PPIG: variants seen among roughly 807,000 people sequenced by gnomAD.
PPIG encodes peptidyl-prolyl cis-trans isomerase G.
Under a neutral mutation model 87.9 loss-of-function variants are expected in PPIG, and 26 were observed. The observed-to-expected ratio is 0.30, with a 90% CI of 0.22 to 0.41. The LOEUF is 0.41. Among genes scored for constraint, PPIG ranks in the 10% least tolerant of loss-of-function variants. The pLI is 1.00. For synonymous variants in PPIG, 308 were observed against 276.5 expected, an observed-to-expected ratio of 1.11 and a Z score of -1.13; for missense variants, 722 against 879.4, an observed-to-expected ratio of 0.82 and a Z score of 2.26.
chr2:169,640,581 T>G lies in PPIG; in HGVS notation c.*3058T>G, dbSNP rs1251537321. On this transcript the variant is annotated 3_prime_UTR_variant, in exon 14 of 14. Coordinates refer to ENST00000260970, the MANE Select transcript of PPIG (RefSeq NM_004792.3). Reference sequence around the variant, plus strand: ...CTTTAAATACCTACCATAGCTGATTTGTTATAAAGAAACAAAATGGGTGTT... The same window carrying G: ...CTTTAAATACCTACCATAGCTGATTGGTTATAAAGAAACAAAATGGGTGTT... The G allele has an allele frequency of 1.3e-5, 2 of 152,210 alleles. No homozygotes were observed. Among genetic ancestry groups the G allele is most frequent in the Non-Finnish European group, 2.9e-5 (2 of 68,026 alleles). 9.4% of individuals were successfully genotyped at this position (152,210 alleles called of 1,614,324 possible). A position where few individuals can be genotyped will look rare whatever the true frequency, so the allele number is the denominator to read the frequency against.
intron 7 of PPIG, among the ~76,000 whole-genome samples, chr2:169,609,411 G>A (rs985978393): frequency 2.0e-5 from 3 of 149,496 alleles, no homozygotes; most frequent in African/African-American, 4.9e-5. Flanking sequence ...GGGTCTCCCT[G>A]TGTTGCCCAG....
intron 1 of PPIG, among the ~76,000 whole-genome samples, chr2:169,596,770 G>C (rs907708873): frequency 5.9e-5 from 9 of 152,106 alleles, no homozygotes; most frequent in Non-Finnish European, 1.3e-4. Flanking sequence ...CGCAATCTCA[G>C]CTCACTGCAA....
At chr2:169,633,516 C>T (rs1035689099) in intron 12 of PPIG, 19 of 523,344 alleles carry the variant, frequency 3.6e-5, no homozygotes, top group African/African-American at 3.2e-4. Flanking sequence ...TTGGCAATCA[C>T]TGTATCTCTA....
chr2:169,592,846 C>T (rs1187418115), intron 1 of PPIG, among the ~76,000 whole-genome samples: 1 of 152,168 alleles, frequency 6.6e-6, no homozygotes, highest in Non-Finnish European at 1.5e-5. Context: ...AGTAGCATTT[C>T]AGTAATGTTA....
chr2:169,627,462 A>G (rs1297525143), intron 9 of PPIG, among the ~76,000 whole-genome samples: 1 of 152,218 alleles, frequency 6.6e-6, no homozygotes, highest in African/African-American at 2.4e-5. Context: ...TGTAAATTAA[A>G]TAATTGTTTA....
chr2:169,603,392 C>T (rs191613998), intron 1 of PPIG, among the ~76,000 whole-genome samples: 1 of 152,126 alleles, frequency 6.6e-6, no homozygotes, highest in Admixed American at 6.5e-5. Context: ...TGTGTCTATA[C>T]CAGCATATCA....
intron 1 of PPIG, among the ~76,000 whole-genome samples, chr2:169,590,689 C>A (rs1559173267): frequency 6.6e-6 from 1 of 152,184 alleles, no homozygotes; most frequent in East Asian, 1.9e-4. Context: ...GCGTGAAGTT[C>A]CCAGAGAGTG....
intron 1 of PPIG, among the ~76,000 whole-genome samples, chr2:169,590,383 G>C (rs933107627): frequency 6.6e-6 from 1 of 152,138 alleles, no homozygotes; most frequent in African/African-American, 2.4e-5. Context: ...GCTCAAGCCT[G>C]TAACGCCAGC....
chr2:169,636,170 A>T lies in PPIG; in HGVS notation c.1096A>T (p.Met366Leu). 6.2e-7 allele frequency: 1 copy of T among 1,613,138 alleles called. No homozygotes were observed. Among genetic ancestry groups the T allele is most frequent in the Non-Finnish European group, 8.5e-7 (1 of 1,179,690 alleles). Residue 366 changes from methionine (M) to leucine (L), a missense_variant, in exon 13 of 14, where the codon ATG (methionine) becomes TTG (leucine). Coordinates refer to ENST00000260970, the MANE Select transcript of PPIG (RefSeq NM_004792.3). Reference protein sequence around the residue: ...SETPPHWRQEMQRAQRMRVSS... With the variant: ...SETPPHWRQELQRAQRMRVSS... The stretch of plus-strand genomic sequence containing the variant: ...GACTCCTCCACATTGGAGGCAAGAG[A>T]TGCAGAGAGCTCAAAGAATGAGGGT...
At chr2:169,621,518 G>C (rs1385533833) in intron 9 of PPIG, among the ~76,000 whole-genome samples, 1 of 151,850 alleles carries the variant, frequency 6.6e-6, no homozygotes, top group Non-Finnish European at 1.5e-5. Context: ...AAGATGTTGA[G>C]AATCTTTGAG....
Position 169,636,563 on chromosome 2 carries a change from G to C in PPIG, c.1305G>C (p.Glu435Asp). ...AAGACCATAAATCTAACAGCAAAGA[G>C]AGAGACATCAGAAGAAATTCAGAAA... is the stretch of plus-strand genomic sequence containing the variant. Reference protein sequence around the residue: ...KVKDHKSNSKERDIRRNSEKD... With the variant: ...KVKDHKSNSKDRDIRRNSEKD... The change falls in exon 14 of 14, where the codon GAG becomes GAC. Residue 435 changes from glutamate (E) to aspartate (D), a missense_variant. By Grantham distance (45) the Glu-to-Asp change is conservative. Coordinates refer to ENST00000260970, the MANE Select transcript of PPIG (RefSeq NM_004792.3). 6.2e-7 allele frequency: 1 copy of C among 1,603,820 alleles called. No individual in the cohort carries two copies. The highest frequency in any genetic ancestry group is 8.5e-7 in the Non-Finnish European group (1 of 1,177,500).
At chr2:169,586,876 C>G (rs1009971819) in intron 1 of PPIG, among the ~76,000 whole-genome samples, 1 of 152,018 alleles carries the variant, frequency 6.6e-6, no homozygotes, top group African/African-American at 2.4e-5. Flanking sequence ...ATGCAAGTGA[C>G]CTGAAGAGTT....
Position 169,607,089 on chromosome 2 carries a change from GTT to G in PPIG, c.245-11_245-10del, listed in dbSNP as rs755531259. ...AGCTTACTGAGAGTTATAAGAGTAT[GTT>G]TTTCATTTTTAGGAAATGGACGAGG... On this transcript the variant is annotated splice_polypyrimidine_tract_variant and intron_variant, in intron 5 of 13. Coordinates refer to ENST00000260970, the MANE Select transcript of PPIG (RefSeq NM_004792.3). The G allele has an allele frequency of 6.5e-7, 1 of 1,544,224 alleles. No homozygotes were observed. Among genetic ancestry groups the G allele is most frequent in the South Asian group, 1.1e-5 (1 of 86,976 alleles).
intron 1 of PPIG, among the ~76,000 whole-genome samples, chr2:169,599,505 C>T (rs1319448837): frequency 1.3e-5 from 2 of 151,908 alleles, no homozygotes; most frequent in Non-Finnish European, 2.9e-5. Context: ...AAATGGTTGC[C>T]TTTACAGATA....
At chr2:169,623,942 C>T (rs1685818450) in intron 9 of PPIG, among the ~76,000 whole-genome samples, 1 of 152,076 alleles carries the variant, frequency 6.6e-6, no homozygotes, top group Non-Finnish European at 1.5e-5. Context: ...TAGGTTTTTA[C>T]AAATAAAATA....
At chr2:169,614,409 A>AACTTTGTTTTCCTCTG (rs1277993379) in intron 7 of PPIG, 55 bp from the exon 8 acceptor site, 6 of 1,431,460 alleles carry the variant, frequency 4.2e-6, no homozygotes, top group Non-Finnish European at 5.8e-6. Flanking sequence ...TAGAGATGCT[A>AACTTTGTTTTCCTCTG]ACTTTGTTTT....
chr2:169,637,315 A>G lies in PPIG; in HGVS notation c.2057A>G (p.Gln686Arg), dbSNP rs779162432. 1 of 1,606,524 alleles carries G rather than the reference A, an allele frequency of 6.2e-7. No homozygotes were observed. The highest frequency in any genetic ancestry group is 1.1e-5 in the South Asian group (1 of 88,868). The change falls in exon 14 of 14, where the codon CAA becomes CGA. Residue 686 changes from glutamine (Q) to arginine (R), a missense_variant. Physicochemically the swap from Gln to Arg is conservative, Grantham distance 43. Around this residue, in one of 4 missense-constraint regions of PPIG, gnomAD observed 476 missense variants for 483.1 expected, o/e 0.99. Coordinates refer to ENST00000260970, the MANE Select transcript of PPIG (RefSeq NM_004792.3). ...NSREKKADRDQSPFSKIKQSS... is the reference protein window; with the variant it reads ...NSREKKADRDRSPFSKIKQSS... ...AGGGAAAAAAAGGCTGATAGAGATC[A>G]AAGTCCCTTCTCAAAAATAAAACAA...
At chr2:169,599,652 G>T (rs1207762375) in intron 1 of PPIG, among the ~76,000 whole-genome samples, 1 of 151,838 alleles carries the variant, frequency 6.6e-6, no homozygotes, top group African/African-American at 2.4e-5. Context: ...TTCACTTTTT[G>T]TGAATTCTCT....
In PPIG at chr2:169,636,727, A is replaced by G; in HGVS notation, c.1469A>G (p.Lys490Arg). 6.2e-7 allele frequency: 1 copy of G among 1,612,318 alleles called. No homozygotes were observed. Among genetic ancestry groups the G allele is most frequent in the Middle Eastern group, 1.7e-4 (1 of 6,044 alleles). Residue 490 changes from lysine (K) to arginine (R), a missense_variant, in exon 14 of 14, where the codon AAA (lysine) becomes AGA (arginine). By Grantham distance (26) the Lys-to-Arg change is conservative. This residue lies in a region of PPIG where 476 missense variants were observed against 483.1 expected (regional missense o/e 0.99). Coordinates refer to ENST00000260970, the MANE Select transcript of PPIG (RefSeq NM_004792.3). Reference sequence around the variant, plus strand: ...GAAAAGAGGATGAGGTCAAGGAGTAAAGGAAGGGATCATGAAAATGTTAAA... The same window carrying G: ...GAAAAGAGGATGAGGTCAAGGAGTAGAGGAAGGGATCATGAAAATGTTAAA... ...NEEKRMRSRS[K>R]GRDHENVKEK... is the part of the protein sequence containing the mutation.
Sources: gnomAD v4.1 joint callset for allele counts (sites outside exome capture counted in the v4.1 genomes callset) on GRCh38, gnomAD v4.1.1 for gene constraint, gnomAD v4.1.1 regional missense constraint, MANE v1.5 for transcripts, NCBI Gene and HGNC (gene_info 2026-07-23, HGNC 2026-07-21) for gene names.